The following FBXW8 variants were observed in gnomAD, a reference collection of about 807,000 sequenced individuals.
FBXW8 encodes F-box and WD repeat domain containing 8, also known as F-box/WD repeat-containing protein 8.
A neutral mutation model predicts 65.3 loss-of-function variants in FBXW8; 57 were observed. The ratio of observed to expected loss-of-function variants is 0.87; its 90% confidence interval spans 0.71 to 1.09. The LOEUF (loss-of-function observed/expected upper bound fraction) is 1.09. Among genes scored for constraint, FBXW8 ranks in the 50% least tolerant of loss-of-function variants. The pLI is 0.00. For synonymous variants in FBXW8, 308 were observed against 330.2 expected (o/e 0.93, Z 0.73); for missense variants, 777 against 814.8 (o/e 0.95, Z 0.57).
At chr12:117,017,614 G>C (rs766878922) in intron 8 of FBXW8, among the ~76,000 whole-genome samples, 1 of 152,138 alleles carries the variant, frequency 6.6e-6, no homozygotes, top group Admixed American at 6.5e-5. Flanking sequence ...GGTTCAGTGA[G>C]AGCAAACAGA....
chr12:116,946,511 G>A (rs964667709), intron 3 of FBXW8, among the ~76,000 whole-genome samples: 1 of 152,050 alleles, frequency 6.6e-6, no homozygotes, highest in African/African-American at 2.4e-5. Flanking sequence ...CCCATTAGAC[G>A]CCAGTAGCAT....
At chr12:117,020,031 C>A (rs1954055173) in intron 8 of FBXW8, among the ~76,000 whole-genome samples, 1 of 152,212 alleles carries the variant, frequency 6.6e-6, no homozygotes, top group African/African-American at 2.4e-5. Flanking sequence ...GCTGAGCGTT[C>A]TCTGGGGGCC....
At chr12:117,020,588 T>C (rs2135721245) in intron 8 of FBXW8, among the ~76,000 whole-genome samples, 1 of 152,358 alleles carries the variant, frequency 6.6e-6, no homozygotes, top group East Asian at 1.9e-4. Flanking sequence ...GATTCACGCA[T>C]TCTCTGATCT....
intron 6 of FBXW8, among the ~76,000 whole-genome samples, chr12:116,988,383 T>C (rs953553697): frequency 1.3e-5 from 2 of 152,202 alleles, no homozygotes; most frequent in Non-Finnish European, 2.9e-5. Context: ...CAGGGTGTTA[T>C]CAGATTTCTT....
intron 3 of FBXW8, chr12:116,949,291 A>T (rs1049626601): frequency 3.5e-6 from 1 of 286,536 alleles, no homozygotes; most frequent in Non-Finnish European, 6.6e-6. Flanking sequence ...CACTCCCAGC[A>T]GATACATGCC....
At chr12:116,924,556 C>G (rs1237449138) in intron 1 of FBXW8, among the ~76,000 whole-genome samples, 1 of 152,092 alleles carries the variant, frequency 6.6e-6, no homozygotes, top group Non-Finnish European at 1.5e-5. Context: ...TATCCATTAA[C>G]CAACCTCTGT....
chr12:116,982,836 C>G (rs1419390583), intron 5 of FBXW8, among the ~76,000 whole-genome samples: 1 of 152,150 alleles, frequency 6.6e-6, no homozygotes, highest in East Asian at 1.9e-4. Context: ...CTTGGCAGCA[C>G]CCAGGGTGAG....
intron 1 of FBXW8, among the ~76,000 whole-genome samples, chr12:116,915,994 C>T (rs1460753683): frequency 6.6e-6 from 1 of 152,106 alleles, no homozygotes; most frequent in East Asian, 1.9e-4. Context: ...TGTTTTTGAA[C>T]TGTATATTAA....
chr12:116,923,882 G>A (rs1446779537), intron 1 of FBXW8, among the ~76,000 whole-genome samples: 5 of 152,100 alleles, frequency 3.3e-5, no homozygotes, highest in African/African-American at 9.6e-5. Context: ...CACCAGGCCC[G>A]GCTAATTTTT....
intron 4 of FBXW8, among the ~76,000 whole-genome samples, chr12:116,952,458 T>A (rs1222682175): frequency 2.6e-5 from 4 of 152,154 alleles, no homozygotes; most frequent in African/African-American, 9.7e-5. Flanking sequence ...CAGAACATTT[T>A]CATCAACTGG....
At chr12:116,965,105 C>T (rs952975633) in intron 5 of FBXW8, among the ~76,000 whole-genome samples, 2 of 152,174 alleles carry the variant, frequency 1.3e-5, no homozygotes, top group African/African-American at 4.8e-5. Context: ...TCAGGCTGGG[C>T]GCTAGTGCCA....
In FBXW8 at chr12:117,028,192, G is replaced by C. The variant is rs1424406612; in HGVS notation, c.*20G>C. ...GTTTAGGGATGTGCCTCAGTTGGGA[G>C]CAAGGAGAAAAATGGGAAGAACCAG... is the stretch of plus-strand genomic sequence containing the variant. On this transcript the variant is annotated 3_prime_UTR_variant, in exon 11 of 11. Transcript: ENST00000652555. This position sits in a 1 kb window ranked among gnomAD's most constrained non-coding sequence, Gnocchi z 4.1. The C allele has an allele frequency of 1.2e-6, 2 of 1,611,236 alleles. No homozygotes were observed. The highest frequency in any genetic ancestry group is 2.7e-5 in the African/African-American group (2 of 74,864).
chr12:116,929,116 T>A (rs150383087), intron 2 of FBXW8, among the ~76,000 whole-genome samples: 2,039 of 152,144 alleles, frequency 0.013, 25 homozygotes, highest in South Asian at 0.054. Flanking sequence ...CCATTGATGG[T>A]CTGCTTTCTA....
intron 1 of FBXW8, among the ~76,000 whole-genome samples, chr12:116,913,589 C>A (rs1880168167): frequency 6.6e-6 from 1 of 152,106 alleles, no homozygotes; most frequent in Non-Finnish European, 1.5e-5. Flanking sequence ...TCACAAAGGC[C>A]ATCATTCTCA....
At chr12:116,977,691 A>C (rs1423906684) in intron 5 of FBXW8, 1 of 152,210 alleles carries the variant, frequency 6.6e-6, no homozygotes, top group Non-Finnish European at 1.5e-5. Context: ...CCTCAGTCTG[A>C]GGCTGCATGC....
chr12:117,028,223 T>C lies in FBXW8; in HGVS notation c.*51T>C, dbSNP rs147585785. The stretch of plus-strand genomic sequence containing the variant: ...AGAAAAATGGGAAGAACCAGTTTTA[T>C]CCATCTTAAAACGCCAGGCACCTCT... On this transcript the variant is annotated 3_prime_UTR_variant, in exon 11 of 11. Transcript: ENST00000652555. This position sits in a 1 kb window ranked among gnomAD's most constrained non-coding sequence, Gnocchi z 4.1. 6.1e-4 allele frequency: 976 copies of C among 1,604,656 alleles called. 5 individuals are homozygous for C. The highest frequency in any genetic ancestry group is 4.1e-3 in the Middle Eastern group (25 of 6,032).
intron 2 of FBXW8, among the ~76,000 whole-genome samples, chr12:116,939,112 C>T (rs891371716): frequency 1.1e-4 from 17 of 152,194 alleles, no homozygotes; most frequent in Admixed American, 5.9e-4. Context: ...TTTTGAGATA[C>T]TCGTTGCAAA....
Position 116,928,004 on chromosome 12 carries a change from C to CTTTT in FBXW8, c.319-12_319-9dup. On this transcript the variant is annotated intron_variant, in intron 1 of 10. Transcript: ENST00000652555. ...ATATCTAAAAATTATAAACTTCTTT[C>CTTTT]TTTTTTTTTTCCCCTCAGAATGAAA... 7.6e-7 allele frequency: 1 copy of CTTTT among 1,320,900 alleles called. No individual in the cohort carries two copies. Among genetic ancestry groups the CTTTT allele is most frequent in the African/African-American group, 1.5e-5 (1 of 67,344 alleles). The allele number at this position is 1,320,900 out of a possible 1,614,324, so 81.8% of individuals were successfully genotyped here. A position where few individuals can be genotyped will look rare whatever the true frequency, so the allele number is the denominator to read the frequency against.
At chr12:117,006,372 G>C (rs1002684974) in intron 7 of FBXW8, among the ~76,000 whole-genome samples, 1 of 152,222 alleles carries the variant, frequency 6.6e-6, no homozygotes, top group African/African-American at 2.4e-5. Context: ...TTCTTACTGG[G>C]TGAAGGAAGA....
Sources: allele counts gnomAD v4.1 joint callset (sites outside exome capture counted in the v4.1 genomes callset), GRCh38; gene constraint gnomAD v4.1.1; non-coding constraint Gnocchi (gnomAD v3.1); transcripts MANE v1.5; gene names NCBI Gene and HGNC (gene_info 2026-07-23, HGNC 2026-07-21).